Variants in TMC8 observed in about 807,000 individuals in gnomAD.
TMC8 encodes the protein transmembrane channel like 8.
A neutral mutation model predicts 76.0 loss-of-function variants in TMC8; 71 were observed. The ratio of observed to expected loss-of-function variants is 0.93; its 90% confidence interval spans 0.77 to 1.14. TMC8 has a LOEUF of 1.14. TMC8 is among the 50% of genes most tolerant of loss of function. The pLI is 0.00. For missense variants in TMC8, 924 were observed against 947.9 expected, an observed-to-expected ratio of 0.97 and a Z score of 0.33; for synonymous variants, 433 against 433.8, an observed-to-expected ratio of 1.00 and a Z score of 0.02.
chr17:78,135,684 G>A (rs1022353437), intron 9 of TMC8, among the ~76,000 whole-genome samples: 4 of 152,116 alleles, frequency 2.6e-5, no homozygotes, highest in Admixed American at 6.5e-5. Context: ...TCTCCCTCAC[G>A]CCACCCTCAG....
Position 78,133,417 on chromosome 17 carries a change from C to G in TMC8, c.543C>G (p.Asn181Lys), listed in dbSNP as rs2075100724. 2.5e-6 allele frequency: 4 copies of G among 1,613,848 alleles called. No homozygotes were observed. Among genetic ancestry groups the G allele is most frequent in the African/African-American group, 2.7e-5 (2 of 75,042 alleles). ...WHVLTGRAFT[N>K]TYLFYGAYRV... ...GTCGCTGTCCCCAGGCCTTCACCAA[C>G]ACCTATCTCTTCTACGGTGCGTACC... The change falls in exon 6 of 16, where the codon AAC becomes AAG. Residue 181 changes from asparagine (N) to lysine (K), a missense_variant. Physicochemically the swap from Asn to Lys is moderately conservative, Grantham distance 94. Transcript: ENST00000318430.
chr17:78,132,684 C>G, intron 4 of TMC8, 104 bp from the exon 5 acceptor site: 1 of 1,523,234 alleles, frequency 6.6e-7, no homozygotes, highest in Non-Finnish European at 9.1e-7. Context: ...ATCCTCAGCC[C>G]CCTGCCCAGG....
At chr17:78,137,903 C>T (rs2075275763) in intron 11 of TMC8, 89 bp downstream of exon 11, 1 of 1,594,532 alleles carries the variant, frequency 6.3e-7, no homozygotes, top group African/African-American at 1.3e-5. Context: ...GTGAGCGGGT[C>T]CAGTGTGGAG....
chr17:78,131,469 C>A lies in TMC8; in HGVS notation c.-120C>A, dbSNP rs973920933. On this transcript the variant is annotated 5_prime_UTR_variant, in exon 2 of 16. Transcript: ENST00000318430. The stretch of plus-strand genomic sequence containing the variant: ...CGCCGGCGCAGAGGGGACGGAAGGG[C>A]CCGCCCCCAGCCCAGCGTGCACAGA... The A allele has an allele frequency of 1.8e-5, 25 of 1,406,640 alleles. No homozygotes were observed. Among genetic ancestry groups the A allele is most frequent in the South Asian group, 2.5e-5 (2 of 80,580 alleles). 87.1% of individuals were successfully genotyped at this position (1,406,640 alleles called of 1,614,324 possible). A position where few individuals can be genotyped will look rare whatever the true frequency, so the allele number is the denominator to read the frequency against.
chr17:78,137,591 C>A, intron 10 of TMC8, 126 bp from the exon 11 acceptor site: 1 of 1,133,464 alleles, frequency 8.8e-7, no homozygotes. Context: ...GCCTGGGTTT[C>A]AACCTAACGA....
Position 78,134,549 on chromosome 17 carries a change from A to C in TMC8, c.972A>C (p.Ser324=), listed in dbSNP as rs1426212104. 1 of 1,614,054 alleles carries C rather than the reference A, an allele frequency of 6.2e-7. No homozygotes were observed. Among genetic ancestry groups the C allele is most frequent in the Non-Finnish European group, 8.5e-7 (1 of 1,180,004 alleles). ...CCATCTTCTGGGCTACCAAGTACTC[A>C]CAGGACAACAAGGAGGTGTCAGGCA... ...ISAIFWATKY[S]QDNKEESLFL... Residue 324 remains serine, a synonymous_variant, in exon 8 of 16, where the codon TCA becomes TCC. Transcript: ENST00000318430.
rs574764945 is a variant in TMC8, at chr17:78,133,982, G to A, written c.798G>A (p.Glu266=). 1.9e-6 allele frequency: 3 copies of A among 1,613,784 alleles called. No individual in the cohort carries two copies. Among genetic ancestry groups the A allele is most frequent in the African/African-American group, 2.7e-5 (2 of 75,084 alleles). Residue 266 remains glutamate, a synonymous_variant, in exon 7 of 16, where the codon GAG becomes GAA. Coordinates refer to ENST00000318430, the MANE Select transcript of TMC8 (RefSeq NM_152468.5). The part of the protein sequence containing the change: ...VQEAATIKKH[E]ISNEFKVELE... ...AAGCAGCCACCATCAAGAAGCATGA[G>A]ATCAGCAACGAGTTCAAGGTGTGTG... is the stretch of plus-strand genomic sequence containing the variant.
intron 15 of TMC8, among the ~76,000 whole-genome samples, 190 bp from the exon 16 acceptor site, chr17:78,140,644 C>G (rs1249617360): frequency 6.8e-6 from 1 of 146,434 alleles, no homozygotes; most frequent in Admixed American, 6.7e-5. Context: ...TGCATCGGGG[C>G]GGGACCCTGG....
rs1001723568 is a variant in TMC8, at chr17:78,132,788, C to T, written c.449C>T (p.Thr150Ile). The T allele has an allele frequency of 6.2e-7, 1 of 1,614,186 alleles. No homozygotes were observed. The highest frequency in any genetic ancestry group is 8.5e-7 in the Non-Finnish European group (1 of 1,180,010). Reference sequence around the variant, plus strand: ...TATTGACCCCCTTCCTCCTCAACAGCCCTCCAGTGCCCTGGTAGCCGCCAG... The same window carrying T: ...TATTGACCCCCTTCCTCCTCAACAGTCCTCCAGTGCCCTGGTAGCCGCCAG... ...PPDPGPTLNL[T>I]LQCPGSRQSP... The change falls in exon 5 of 16, where the codon ACC (threonine) becomes ATC (isoleucine). Residue 150 changes from threonine to isoleucine, a missense_variant and splice_region_variant. Physicochemically the swap from Thr to Ile is moderately conservative, Grantham distance 89. Transcript: ENST00000318430.
intron 6 of TMC8, 93 bp downstream of exon 6, chr17:78,133,635 C>T: frequency 6.3e-7 from 1 of 1,588,016 alleles, no homozygotes; most frequent in South Asian, 1.1e-5. Context: ...GGCAGGAAGG[C>T]CCATGGCCCG....
At chr17:78,135,480 G>A (rs942547995) in intron 9 of TMC8, among the ~76,000 whole-genome samples, 18 of 152,138 alleles carry the variant, frequency 1.2e-4, no homozygotes, top group Non-Finnish European at 1.5e-4. Context: ...TGCCTGCCAG[G>A]TGCAAGTTCA....
chr17:78,134,759 C>G (rs537443415), intron 8 of TMC8, 111 bp from the exon 9 acceptor site: 19 of 1,567,282 alleles, frequency 1.2e-5, no homozygotes, highest in Non-Finnish European at 1.4e-5. Context: ...AGCTTACAGG[C>G]GACCCTATTC....
At chr17:78,138,825 G>T (rs766480501) in intron 14 of TMC8, 93 bp downstream of exon 14, 1 of 1,576,678 alleles carries the variant, frequency 6.3e-7, no homozygotes, top group South Asian at 1.1e-5. Flanking sequence ...CCCCAACCAG[G>T]AGCCAGACGC....
rs1438761431 is a variant in TMC8 at position 78,131,208 on chromosome 17, C to T, written c.-308-73C>T. The T allele has an allele frequency of 8.2e-6, 3 of 365,666 alleles. No individual in the cohort carries two copies. The East Asian group carries it at 2.2e-4, about 26-fold the overall frequency. 22.7% of individuals were successfully genotyped at this position (365,666 alleles called of 1,614,324 possible). A position where few individuals can be genotyped will look rare whatever the true frequency, so the allele number is the denominator to read the frequency against. ...AGGCACAGGTGGATGCGGGGTGCAGCAGGTCTTGGCTTTCTTTGCCTGTGC... is the reference window on the plus strand; with the variant it reads ...AGGCACAGGTGGATGCGGGGTGCAGTAGGTCTTGGCTTTCTTTGCCTGTGC... On this transcript the variant is annotated intron_variant, in intron 1 of 15. Transcript: ENST00000318430.
rs1378793173 is a variant in TMC8 at position 78,133,547 on chromosome 17, G to A, written c.668+5G>A. Reference sequence around the variant, plus strand: ...CTTCTGTGGGACTCTGCGGCGGTGAGAGCGAGGTCCACACCTTCACCCCTT... The same window carrying A: ...CTTCTGTGGGACTCTGCGGCGGTGAAAGCGAGGTCCACACCTTCACCCCTT... On this transcript the variant is annotated splice_donor_5th_base_variant and intron_variant, in intron 6 of 15. Coordinates refer to ENST00000318430, the MANE Select transcript of TMC8 (RefSeq NM_152468.5). 1 of 1,610,882 alleles carries A rather than the reference G, an allele frequency of 6.2e-7. No individual in the cohort carries two copies. Among genetic ancestry groups the A allele is most frequent in the South Asian group, 1.1e-5 (1 of 91,082 alleles).
intron 9 of TMC8, 71 bp from the exon 10 acceptor site, chr17:78,137,164 A>T: frequency 6.2e-7 from 1 of 1,601,012 alleles, no homozygotes; most frequent in Non-Finnish European, 8.5e-7. Flanking sequence ...CATCAGCCAC[A>T]CCTATAGCCT....
chr17:78,141,097 C>A lies in TMC8; in HGVS notation c.2166C>A (p.Ser722Arg). ...PASARRFRFP[S>R]GAEL ...CCGCCCGCAGATTCCGCTTCCCCAGCGGCGCGGAGCTGTAACCCCTACCCC... is the reference window on the plus strand; with the variant it reads ...CCGCCCGCAGATTCCGCTTCCCCAGAGGCGCGGAGCTGTAACCCCTACCCC... Residue 722 changes from serine (S) to arginine (R), a missense_variant, in exon 16 of 16, where the codon AGC becomes AGA. Transcript: ENST00000318430. 2 of 1,574,024 alleles carry A rather than the reference C, an allele frequency of 1.3e-6. No homozygotes were observed. The highest frequency in any genetic ancestry group is 1.7e-6 in the Non-Finnish European group (2 of 1,165,774).
intron 9 of TMC8, chr17:78,136,907 C>T (rs898305095): frequency 2.0e-5 from 7 of 357,006 alleles, no homozygotes; most frequent in Admixed American, 3.8e-5. Context: ...ACTCAAAATA[C>T]AAAATTTAGT....
At chr17:78,134,780 C>A in intron 8 of TMC8, 90 bp from the exon 9 acceptor site, 1 of 1,599,040 alleles carries the variant, frequency 6.3e-7, no homozygotes, top group East Asian at 2.2e-5. Flanking sequence ...TGGGCCTGCC[C>A]CAGAGTTACA....
Sources: gnomAD v4.1 joint callset for allele counts (sites outside exome capture counted in the v4.1 genomes callset) on GRCh38, gnomAD v4.1.1 for gene constraint, MANE v1.5 for transcripts, NCBI Gene and HGNC (gene_info 2026-07-23, HGNC 2026-07-21) for gene names.